TBL1X: variants seen among roughly 807,000 people sequenced by gnomAD.
The protein encoded by TBL1X is transducin beta like 1 X-linked.
A neutral mutation model predicts 50.7 loss-of-function variants in TBL1X; 10 were observed. The ratio of observed to expected loss-of-function variants is 0.20; its 90% CI spans 0.12 to 0.33. The LOEUF (loss-of-function observed/expected upper bound fraction) is 0.33. Ranked by LOEUF, TBL1X falls within the 10% of genes least tolerant of loss-of-function variation. TBL1X has a pLI of 1.00. For synonymous variants in TBL1X, 190 were observed against 214.7 expected (o/e 0.88, Z 1.01); for missense variants, 340 against 504.4 (o/e 0.67, Z 3.12).
At chrX:9,595,609 C>T (rs1222167280) in intron 2 of TBL1X, among the ~76,000 whole-genome samples, 1 of 111,455 alleles carries the variant, frequency 9.0e-6, no homozygotes, top group Non-Finnish European at 1.9e-5. Context: ...AAAATGGAGA[C>T]GAAGATGAAA....
chrX:9,532,544 C>T (rs1008729292), intron 2 of TBL1X, among the ~76,000 whole-genome samples: 1 of 111,182 alleles, frequency 9.0e-6, no homozygotes, highest in Non-Finnish European at 1.9e-5. Flanking sequence ...GCACTGGGCC[C>T]GCGGGCTTGC....
At chrX:9,480,006 A>G (rs1476261314) in intron 1 of TBL1X, among the ~76,000 whole-genome samples, 2 of 98,135 alleles carry the variant, frequency 2.0e-5, no homozygotes, top group Non-Finnish European at 4.0e-5. Flanking sequence ...GCTGGAGTGC[A>G]ATGGCATGAT....
In TBL1X at chrX:9,691,647, C is replaced by T; in HGVS notation, c.685C>T (p.Arg229Trp). 8.3e-7 allele frequency: 1 copy of T among 1,210,984 alleles called. No individual in the cohort carries two copies. The highest frequency in any genetic ancestry group is 1.1e-6 in the Non-Finnish European group (1 of 895,288). ...TCCATCCAGCAAAGCCACAGTCCTT[C>T]GGGGCCATGAGTCTGAGGTGTTCAT... ...EIPSSKATVL[R>W]GHESEVFICA... Residue 229 changes from arginine to tryptophan, a missense_variant, in exon 8 of 18, where the codon CGG (arginine) becomes TGG (tryptophan). Transcript: ENST00000645353.
At chrX:9,581,765 T>C (rs1057266126) in intron 2 of TBL1X, among the ~76,000 whole-genome samples, 4 of 112,303 alleles carry the variant, frequency 3.6e-5, no homozygotes, top group African/African-American at 6.5e-5. Context: ...TGGACAGATA[T>C]GCAGGCATTC....
At chrX:9,547,397 G>A in intron 2 of TBL1X, among the ~76,000 whole-genome samples, 1 of 110,768 alleles carries the variant, frequency 9.0e-6, no homozygotes, top group Non-Finnish European at 1.9e-5. Flanking sequence ...TCGACTCACT[G>A]CAACCTCCAC....
intron 3 of TBL1X, among the ~76,000 whole-genome samples, chrX:9,650,541 C>T (rs1004118737): frequency 3.6e-5 from 4 of 111,546 alleles, no homozygotes; most frequent in African/African-American, 1.3e-4. Context: ...TGGGAGGGGG[C>T]ACCGTGCCCT....
chrX:9,506,425 C>T (rs936417211), intron 2 of TBL1X, among the ~76,000 whole-genome samples: 4 of 111,034 alleles, frequency 3.6e-5, no homozygotes, highest in East Asian at 2.8e-4. Flanking sequence ...CAAAAGCTGG[C>T]GGAAGGTAAG....
intron 2 of TBL1X, among the ~76,000 whole-genome samples, chrX:9,579,758 C>G (rs984804688): frequency 9.0e-6 from 1 of 110,618 alleles, no homozygotes; most frequent in Non-Finnish European, 1.9e-5. Context: ...ACTTGTGACC[C>G]CCTTGACACA....
In TBL1X at chrX:9,582,988, A is replaced by G. The variant is rs73476832; in HGVS notation, c.-130-57285A>G. On this transcript the variant is annotated intron_variant, in intron 2 of 17. Coordinates refer to ENST00000645353, the MANE Select transcript of TBL1X (RefSeq NM_005647.4). Reference sequence around the variant, plus strand: ...GTGATTTTTACCTATAAACATTTCAAGTTGTATCCCTAATATAGAAGGATT... The same window carrying G: ...GTGATTTTTACCTATAAACATTTCAGGTTGTATCCCTAATATAGAAGGATT... Among the ~76,000 whole-genome samples the G allele has an allele frequency of 8.0e-3, 906 of 112,719 alleles. 8 individuals are homozygous for G. The highest frequency in any genetic ancestry group is 0.027 in the African/African-American group (848 of 31,051).
chrX:9,463,704 A>C (rs2146914189), upstream of TBL1X, among the ~76,000 whole-genome samples: 1 of 111,722 alleles, frequency 9.0e-6, no homozygotes, highest in East Asian at 2.8e-4. Flanking sequence ...CAGTCTGGCC[A>C]ATATGGTGAA....
At chrX:9,624,447 C>G (rs1569078789) in intron 2 of TBL1X, among the ~76,000 whole-genome samples, 1 of 112,138 alleles carries the variant, frequency 8.9e-6, no homozygotes, top group Non-Finnish European at 1.9e-5. Flanking sequence ...ACACCCAACT[C>G]TACTGTAGGT....
chrX:9,599,068 C>T (rs1238194255), intron 2 of TBL1X, among the ~76,000 whole-genome samples: 4 of 109,893 alleles, frequency 3.6e-5, no homozygotes, highest in South Asian at 7.9e-4. Flanking sequence ...CTCAGCCTCC[C>T]GAGTAGCTGG....
At chrX:9,511,611 TTC>T (rs770378021) in intron 2 of TBL1X, among the ~76,000 whole-genome samples, 1 of 112,571 alleles carries the variant, frequency 8.9e-6, no homozygotes, top group East Asian at 2.8e-4. Context: ...TACGTTTTAT[TTC>T]TGTCTGTTTT....
intron 13 of TBL1X, among the ~76,000 whole-genome samples, chrX:9,705,797 G>T (rs113848670): frequency 2.7e-5 from 3 of 110,163 alleles, no homozygotes; most frequent in African/African-American, 9.9e-5. Flanking sequence ...GTCTTAATAG[G>T]TGGGTGTATT....
intron 2 of TBL1X, among the ~76,000 whole-genome samples, chrX:9,602,195 T>TC (rs1399867863): frequency 3.6e-5 from 4 of 112,200 alleles, no homozygotes; most frequent in Non-Finnish European, 5.6e-5. Context: ...ACAGCGATAT[T>TC]CTATGCTATG....
chrX:9,645,741 T>C (rs2082801045), intron 3 of TBL1X, among the ~76,000 whole-genome samples: 1 of 111,721 alleles, frequency 9.0e-6, no homozygotes, highest in South Asian at 3.7e-4. Flanking sequence ...TGGAGAGAAG[T>C]GTATGAAAGA....
At chrX:9,551,814 G>C (rs1054341087) in intron 2 of TBL1X, among the ~76,000 whole-genome samples, 3 of 112,018 alleles carry the variant, frequency 2.7e-5, no homozygotes, top group Admixed American at 1.9e-4. Flanking sequence ...TGGCCACTCT[G>C]CTGGCTCCAG....
chrX:9,546,711 C>T (rs886295009), intron 2 of TBL1X, among the ~76,000 whole-genome samples: 1 of 106,489 alleles, frequency 9.4e-6, no homozygotes, highest in Non-Finnish European at 1.9e-5. Flanking sequence ...ATTTCTAATT[C>T]TTCTATTCAT....
intron 2 of TBL1X, among the ~76,000 whole-genome samples, chrX:9,530,740 A>T (rs1383282284): frequency 8.9e-6 from 1 of 112,390 alleles, no homozygotes; most frequent in Non-Finnish European, 1.9e-5. Flanking sequence ...GTTGAAGTCA[A>T]CCCAAGAAAT....
Sources: gnomAD v4.1 joint callset for allele counts (sites outside exome capture counted in the v4.1 genomes callset) on GRCh38, gnomAD v4.1.1 for gene constraint, MANE v1.5 for transcripts, NCBI Gene and HGNC (gene_info 2026-07-23, HGNC 2026-07-21) for gene names.